The following SGSM2 variants were observed in gnomAD, a reference collection of about 807,000 sequenced individuals.
SGSM2 encodes small G protein signaling modulator 2, also known as RUN and TBC1 domain containing 1.
In SGSM2, 89 loss-of-function variants were observed where a neutral mutation model predicts 126.6. The observed-to-expected ratio is 0.70, with a 90% CI of 0.59 to 0.84. The LOEUF (loss-of-function observed/expected upper bound fraction) is 0.84, where lower values mean the gene tolerates loss of function less well. SGSM2 is among the 40% of genes least tolerant of loss of function. SGSM2 has a pLI of 0.00. For missense variants in SGSM2, 1,404 were observed against 1,416.6 expected, an observed-to-expected ratio of 0.99 and a Z score of 0.14; for synonymous variants, 614 against 574.3, an observed-to-expected ratio of 1.07 and a Z score of -0.99.
rs747680527 is a variant in SGSM2, at chr17:2,371,379, A to T, written c.1541A>T (p.His514Leu). The T allele has an allele frequency of 8.7e-6, 14 of 1,610,750 alleles. No homozygotes were observed. The highest frequency in any genetic ancestry group is 8.4e-5 in the Admixed American group (5 of 59,870). The change falls in exon 13 of 24, where the codon CAT becomes CTT. Residue 514 changes from histidine (H) to leucine (L), a missense_variant. Coordinates refer to ENST00000268989, the MANE Select transcript of SGSM2 (RefSeq NM_014853.3). ...TCCTGCTCCTCCAGCAGCTCCCCAC[A>T]TGCAACCCCCAGCCACTGTAGCTGC... ...CLSCSSSSSP[H>L]ATPSHCSCIP...
chr17:2,373,258 G>T lies in SGSM2; in HGVS notation c.1918-73G>T, dbSNP rs144352214. The T allele has an allele frequency of 1.9e-6, 3 of 1,564,280 alleles. No individual in the cohort carries two copies. In the African/African-American group the frequency reaches 4.0e-5, roughly 21 times the overall value. On this transcript the variant is annotated intron_variant, in intron 16 of 23. Transcript: ENST00000268989. ...TCTGAGACTCAGGACCCAAGGTCCA[G>T]TGCAGGCCCAGCTCCTGAAGGGGAG... is the stretch of plus-strand genomic sequence containing the variant.
intron 2 of SGSM2, among the ~76,000 whole-genome samples, chr17:2,359,442 C>T (rs1002874871): frequency 6.6e-6 from 1 of 152,002 alleles, no homozygotes; most frequent in Admixed American, 6.6e-5. Context: ...CTTGGAAAGT[C>T]GATGCATGAG....
Position 2,343,630 on chromosome 17 carries a change from T to C in SGSM2, c.133+10T>C, listed in dbSNP as rs1233897211. The C allele has an allele frequency of 6.8e-6, 11 of 1,613,346 alleles. No individual in the cohort carries two copies. Among genetic ancestry groups the C allele is most frequent in the Non-Finnish European group, 9.3e-6 (11 of 1,179,440 alleles). On this transcript the variant is annotated intron_variant, in intron 2 of 23. Transcript: ENST00000268989. ...ATCATTGCTTTATGTGGTGAGTGAGTGACTGAAGGATGATGGGAGGTCGGT... is the reference window on the plus strand; with the variant it reads ...ATCATTGCTTTATGTGGTGAGTGAGCGACTGAAGGATGATGGGAGGTCGGT...
rs528048625 is a variant in SGSM2, at chr17:2,338,635, T to C, written c.57+890T>C. Among the ~76,000 whole-genome samples, 155 of 152,188 alleles carry C rather than the reference T, an allele frequency of 1.0e-3. 2 individuals are homozygous for C. In the South Asian group the frequency reaches 0.031, roughly 31 times the overall value. On this transcript the variant is annotated intron_variant, in intron 1 of 23. Coordinates refer to ENST00000268989, the MANE Select transcript of SGSM2 (RefSeq NM_014853.3). ...ACTGCCTTGTATCCAGTGCCTGGCA[T>C]ACTGTAGGCACTCCGTGACTGTTTG...
intron 2 of SGSM2, among the ~76,000 whole-genome samples, chr17:2,347,628 G>A (rs1345621177): frequency 6.6e-6 from 1 of 150,952 alleles, no homozygotes; most frequent in East Asian, 1.9e-4. Context: ...TGGAGGGGAA[G>A]GTGCTTTTGT....
At position 2,337,798 on chromosome 17, in the gene SGSM2, AG is replaced by A. The variant is rs1567790815; in HGVS notation, c.57+58del. 4 of 1,402,582 alleles carry A rather than the reference AG, an allele frequency of 2.9e-6. No homozygotes were observed. Among genetic ancestry groups the A allele is most frequent in the Non-Finnish European group, 3.8e-6 (4 of 1,051,310 alleles). The allele number at this position is 1,402,582 out of a possible 1,614,324, so 86.9% of individuals were successfully genotyped here. A position where few individuals can be genotyped will look rare whatever the true frequency, so the allele number is the denominator to read the frequency against. On this transcript the variant is annotated intron_variant, in intron 1 of 23. Coordinates refer to ENST00000268989, the MANE Select transcript of SGSM2 (RefSeq NM_014853.3). The surrounding 1 kb of genome is among the most constrained non-coding windows in gnomAD (Gnocchi z 5.1). ...GCTCGCGCCCTGGCCCGCGCGGCCC[AG>A]GGGGCAGAAAGGTCCGCGCCCACCC...
chr17:2,354,053 C>T (rs1428627144), intron 2 of SGSM2, among the ~76,000 whole-genome samples: 1 of 152,102 alleles, frequency 6.6e-6, no homozygotes, highest in African/African-American at 2.4e-5. Context: ...AATACAGGCT[C>T]ATGTCACCAC....
In SGSM2 at chr17:2,362,146, CAG is replaced by C. The variant is rs748960921; in HGVS notation, c.335_336del (p.Gln112ArgfsTer73). Reference sequence around the variant, plus strand: ...GGTCAGCCAGGAGGCCCTGCGGAGACAGGGCTCAGCCAGCGGGAAGGCCCCGG... The same window carrying C: ...GGTCAGCCAGGAGGCCCTGCGGAGACGGCTCAGCCAGCGGGAAGGCCCCGG... ...SGVSQEALRR[Q>X]GSASGKAPAL... On this transcript the variant is annotated frameshift_variant, in exon 4 of 24. Coordinates refer to ENST00000268989, the MANE Select transcript of SGSM2 (RefSeq NM_014853.3). LOFTEE classifies it high-confidence loss of function. This position sits in a 1 kb window ranked among gnomAD's most constrained non-coding sequence, Gnocchi z 4.9. The C allele has an allele frequency of 6.2e-7, 1 of 1,613,648 alleles. No homozygotes were observed. Among genetic ancestry groups the C allele is most frequent in the African/African-American group, 1.3e-5 (1 of 74,940 alleles).
intron 1 of SGSM2, among the ~76,000 whole-genome samples, chr17:2,340,632 T>G (rs1020511444): frequency 6.6e-6 from 1 of 151,942 alleles, no homozygotes; most frequent in African/African-American, 2.4e-5. Context: ...TTGCCCAGGC[T>G]GGAGTGCCGT....
At chr17:2,369,196 T>A (rs2065741918) in intron 12 of SGSM2, among the ~76,000 whole-genome samples, 1 of 152,188 alleles carries the variant, frequency 6.6e-6, no homozygotes, top group African/African-American at 2.4e-5. Context: ...ATGACAACAC[T>A]GTTGAGTCCG....
rs1401840441 is a variant in SGSM2 at position 2,380,554 on chromosome 17, A to G, written c.*1034A>G. The stretch of plus-strand genomic sequence containing the variant: ...TCCACATGCTTCTCAGGATGCCAAG[A>G]GGCCTAGGAACCCAGAAACCCCCTT... On this transcript the variant is annotated 3_prime_UTR_variant, in exon 24 of 24. Coordinates refer to ENST00000268989, the MANE Select transcript of SGSM2 (RefSeq NM_014853.3). 1 of 562,586 alleles carries G rather than the reference A, an allele frequency of 1.8e-6. No individual in the cohort carries two copies. The highest frequency in any genetic ancestry group is 3.2e-6 in the Non-Finnish European group (1 of 313,992). The allele number at this position is 562,586 out of a possible 1,614,324, so 34.8% of individuals were successfully genotyped here.
Position 2,357,658 on chromosome 17 carries a change from C to T in SGSM2, c.134-3979C>T, listed in dbSNP as rs144052127. 5.1e-3 allele frequency among the ~76,000 whole-genome samples: 780 copies of T among 152,180 alleles called. 10 individuals are homozygous for T. Among genetic ancestry groups the T allele is most frequent in the Middle Eastern group, 0.027 (8 of 294 alleles). On this transcript the variant is annotated intron_variant, in intron 2 of 23. Coordinates refer to ENST00000268989, the MANE Select transcript of SGSM2 (RefSeq NM_014853.3). ...GACTACAGGTGCCCACCACGACACCCGGCTAATTTTTGTATTTTTAGCAGA... is the reference window on the plus strand; with the variant it reads ...GACTACAGGTGCCCACCACGACACCTGGCTAATTTTTGTATTTTTAGCAGA...
chr17:2,369,495 C>G (rs571268391), intron 12 of SGSM2, among the ~76,000 whole-genome samples: 30 of 152,324 alleles, frequency 2.0e-4, no homozygotes, highest in Admixed American at 5.9e-4. Flanking sequence ...CCCCCTCCCC[C>G]CGTCCAGCCT....
intron 22 of SGSM2, 80 bp downstream of exon 22, chr17:2,378,033 C>A: frequency 1.1e-6 from 1 of 891,648 alleles, no homozygotes; most frequent in Non-Finnish European, 1.8e-6. Flanking sequence ...AGTTCTCAAT[C>A]CTAACTGGAC....
At chr17:2,365,780 T>C (rs2065548255) in intron 11 of SGSM2, among the ~76,000 whole-genome samples, 1 of 144,448 alleles carries the variant, frequency 6.9e-6, no homozygotes, top group Non-Finnish European at 1.5e-5. Flanking sequence ...GACGTCTCGC[T>C]CTTTTACCCA....
At chr17:2,360,497 A>G (rs1052676194) in intron 2 of SGSM2, among the ~76,000 whole-genome samples, 1 of 152,254 alleles carries the variant, frequency 6.6e-6, no homozygotes, top group African/African-American at 2.4e-5. Context: ...GGCTAGCTGT[A>G]GAACTGTATC....
At chr17:2,374,777 G>A (rs2151630503) in intron 17 of SGSM2, among the ~76,000 whole-genome samples, 1 of 152,330 alleles carries the variant, frequency 6.6e-6, no homozygotes, top group Non-Finnish European at 1.5e-5. Context: ...GATTGCCACA[G>A]AACCGTGGCC....
chr17:2,378,395 G>A (rs947483799), intron 22 of SGSM2, among the ~76,000 whole-genome samples: 1 of 152,116 alleles, frequency 6.6e-6, no homozygotes, highest in African/African-American at 2.4e-5. Context: ...GGCCAACATG[G>A]TGAAACTCCG....
At chr17:2,357,036 A>G (rs563950033) in intron 2 of SGSM2, among the ~76,000 whole-genome samples, 1 of 152,132 alleles carries the variant, frequency 6.6e-6, no homozygotes, top group Non-Finnish European at 1.5e-5. Flanking sequence ...GGGTGCCCAT[A>G]GGATTCCATC....
Sources: gnomAD v4.1 joint callset for allele counts (sites outside exome capture counted in the v4.1 genomes callset) on GRCh38, gnomAD v4.1.1 for gene constraint, Gnocchi (gnomAD v3.1) non-coding constraint, MANE v1.5 for transcripts, NCBI Gene and HGNC (gene_info 2026-07-23, HGNC 2026-07-21) for gene names.